Variants in TMEM132D observed in about 807,000 individuals in gnomAD.
TMEM132D encodes the protein mature OL transmembrane protein.
Under a neutral mutation model 62.3 loss-of-function variants are expected in TMEM132D, and 21 were observed. The ratio of observed to expected loss-of-function variants is 0.34; its 90% CI spans 0.24 to 0.49. The LOEUF is 0.49. Ranked by LOEUF, TMEM132D falls within the 20% of genes least tolerant of loss-of-function variation. The probability of loss-of-function intolerance (pLI) is 0.99; values close to 1 mark genes in which losing one functional copy is unlikely to be tolerated. For synonymous variants in TMEM132D, 621 were observed against 575.6 expected (o/e 1.08, Z -1.13); for missense variants, 1,346 against 1,402.8 (o/e 0.96, Z 0.65).
intron 1 of TMEM132D, among the ~76,000 whole-genome samples, chr12:129,714,809 C>G (rs1054952603): frequency 2.0e-5 from 3 of 152,188 alleles, no homozygotes; most frequent in Non-Finnish European, 4.4e-5. Flanking sequence ...TTCTGTCTCA[C>G]GGTCGGAAGC....
chr12:129,219,182 G>A (rs77905486), intron 4 of TMEM132D, among the ~76,000 whole-genome samples: 1,851 of 152,210 alleles, frequency 0.012, 32 homozygotes, highest in African/African-American at 0.042. Flanking sequence ...TCATGGGAGG[G>A]ACCTGGTAGG....
At chr12:129,338,823 G>A (rs1040317834) in intron 3 of TMEM132D, among the ~76,000 whole-genome samples, 19 of 152,138 alleles carry the variant, frequency 1.2e-4, no homozygotes, top group African/African-American at 3.6e-4. Context: ...TTATCACACC[G>A]TCAATCTCAC....
rs35085030 is a variant in TMEM132D, at chr12:129,102,484, GCA to G, written c.1444-17784_1444-17783del. The stretch of plus-strand genomic sequence containing the variant: ...ATGCATACACATGTACTCACACAAT[GCA>G]CACACACACACTTGCATATGCACGC... On this transcript the variant is annotated intron_variant, in intron 5 of 8. Transcript: ENST00000422113. Among the ~76,000 whole-genome samples the G allele has an allele frequency of 9.4e-4, 141 of 149,296 alleles. 1 individual carries two copies. The highest frequency in any genetic ancestry group is 3.1e-3 in the African/African-American group (124 of 40,112).
At chr12:129,633,293 G>A (rs1879393139) in intron 2 of TMEM132D, among the ~76,000 whole-genome samples, 1 of 152,100 alleles carries the variant, frequency 6.6e-6, no homozygotes, top group South Asian at 2.1e-4. Context: ...AAGTTTTCAA[G>A]ATACATTGTT....
intron 3 of TMEM132D, among the ~76,000 whole-genome samples, chr12:129,492,031 G>A (rs966522274): frequency 2.6e-5 from 4 of 152,186 alleles, no homozygotes; most frequent in Non-Finnish European, 4.4e-5. Flanking sequence ...ACTTGGGCAA[G>A]TGGCATTATG....
intron 2 of TMEM132D, among the ~76,000 whole-genome samples, chr12:129,671,678 C>A (rs1442956399): frequency 1.3e-5 from 2 of 151,988 alleles, no homozygotes; most frequent in African/African-American, 4.8e-5. Context: ...GGAGAGGAAA[C>A]CCCAGAGCAG....
At position 129,081,986 on chromosome 12, in the gene TMEM132D, G is replaced by C. The variant is rs750720403; in HGVS notation, c.1696C>G (p.Arg566Gly). ...EEEEDDERRG[R>G]GCTLQYQHAM... ...TGCTGGTACTGCAGGGTGCAGCCGCGGCCCCTCCGCTCATCATCCTCCTCC... is the reference window on the plus strand; with the variant it reads ...TGCTGGTACTGCAGGGTGCAGCCGCCGCCCCTCCGCTCATCATCCTCCTCC... Residue 566 changes from arginine (R) to glycine (G), a missense_variant, in exon 7 of 9, where the codon CGC (arginine) becomes GGC (glycine). Physicochemically the swap from Arg to Gly is moderately radical, Grantham distance 125. Transcript: ENST00000422113. 1 of 1,612,966 alleles carries C rather than the reference G, an allele frequency of 6.2e-7. No homozygotes were observed.
intron 2 of TMEM132D, among the ~76,000 whole-genome samples, chr12:129,574,027 T>C (rs980168483): frequency 2.6e-5 from 4 of 151,910 alleles, no homozygotes; most frequent in African/African-American, 9.7e-5. Flanking sequence ...CTTGCATGTG[T>C]TGGAACTCAT....
At chr12:129,095,453 C>T (rs1303556619) in intron 5 of TMEM132D, among the ~76,000 whole-genome samples, 2 of 145,934 alleles carry the variant, frequency 1.4e-5, no homozygotes, top group East Asian at 4.3e-4. Context: ...CTCCCAGGTT[C>T]AAGCAGTTCT....
intron 1 of TMEM132D, among the ~76,000 whole-genome samples, chr12:129,874,311 G>A (rs1874343253): frequency 6.6e-6 from 1 of 152,170 alleles, no homozygotes; most frequent in Non-Finnish European, 1.5e-5. Flanking sequence ...TCGGGAGGCT[G>A]AGGCAGGAGA....
chr12:129,733,436 G>A (rs755909632), intron 1 of TMEM132D, among the ~76,000 whole-genome samples: 4 of 152,138 alleles, frequency 2.6e-5, no homozygotes, highest in Non-Finnish European at 4.4e-5. Context: ...CACCAGTCAC[G>A]CGGGTGAATG....
At chr12:129,266,632 G>C (rs1340026359) in intron 4 of TMEM132D, among the ~76,000 whole-genome samples, 1 of 124,394 alleles carries the variant, frequency 8.0e-6, no homozygotes, top group Non-Finnish European at 1.6e-5. Flanking sequence ...TCCTCTCTCT[G>C]TGCCCTCTCA....
chr12:129,269,619 G>A (rs1412971647), intron 4 of TMEM132D, among the ~76,000 whole-genome samples: 1 of 152,166 alleles, frequency 6.6e-6, no homozygotes, highest in African/African-American at 2.4e-5. Flanking sequence ...CTGGGAGACA[G>A]AGTATCAGGA....
At chr12:129,170,640 C>T (rs1052995614) in intron 5 of TMEM132D, among the ~76,000 whole-genome samples, 5 of 152,002 alleles carry the variant, frequency 3.3e-5, no homozygotes, top group African/African-American at 1.2e-4. Context: ...GCCTGGCCAA[C>T]ATAGTAAAAC....
At chr12:129,279,557 T>C (rs1881085830) in intron 4 of TMEM132D, among the ~76,000 whole-genome samples, 1 of 152,182 alleles carries the variant, frequency 6.6e-6, no homozygotes, top group Non-Finnish European at 1.5e-5. Flanking sequence ...TGATTTTTTT[T>C]TTTGAGGGGG....
At chr12:129,253,330 G>A (rs1045905427) in intron 4 of TMEM132D, among the ~76,000 whole-genome samples, 73 of 151,870 alleles carry the variant, frequency 4.8e-4, no homozygotes, top group African/African-American at 1.6e-3. Context: ...GACAGTGGTC[G>A]TCCAGTAGCT....
chr12:129,315,279 T>C (rs1267604646), intron 4 of TMEM132D, among the ~76,000 whole-genome samples: 1 of 152,308 alleles, frequency 6.6e-6, no homozygotes, highest in South Asian at 2.1e-4. Context: ...TGGCTGTGAG[T>C]TTGTCATAGA....
At chr12:129,621,578 C>T (rs191188293) in intron 2 of TMEM132D, among the ~76,000 whole-genome samples, 1 of 152,290 alleles carries the variant, frequency 6.6e-6, no homozygotes, top group Admixed American at 6.5e-5. Context: ...CACTCCTCTG[C>T]CTTGGTGTCC....
chr12:129,194,070 A>G (rs1334094650), intron 5 of TMEM132D, among the ~76,000 whole-genome samples: 1 of 152,176 alleles, frequency 6.6e-6, no homozygotes, highest in African/African-American at 2.4e-5. Flanking sequence ...GTTTGCTTTC[A>G]TTACCTACCC....
Sources: allele counts gnomAD v4.1 joint callset (sites outside exome capture counted in the v4.1 genomes callset), GRCh38; gene constraint gnomAD v4.1.1; transcripts MANE v1.5; gene names NCBI Gene and HGNC (gene_info 2026-07-23, HGNC 2026-07-21).